The following ENOX1 variants were observed in gnomAD, a reference collection of about 807,000 sequenced individuals.
ENOX1 encodes the protein candidate growth-related and time keeping constitutive hydroquinone (NADH) oxidase.
In ENOX1, 42 loss-of-function variants were observed where a neutral mutation model predicts 82.5. The observed-to-expected ratio is 0.51, with a 90% CI of 0.40 to 0.66. ENOX1 has a LOEUF of 0.66. Ranked by LOEUF, ENOX1 falls within the 30% of genes least tolerant of loss-of-function variation. The pLI, the probability that ENOX1 is intolerant of heterozygous loss-of-function variation, is 0.00. For missense variants in ENOX1, 608 were observed against 811.6 expected (o/e 0.75, Z 3.05); for synonymous variants, 271 against 282.2 (o/e 0.96, Z 0.40).
At chr13:43,723,284 T>G (rs1410725146) in intron 1 of ENOX1, among the ~76,000 whole-genome samples, 2 of 152,150 alleles carry the variant, frequency 1.3e-5, no homozygotes, top group Non-Finnish European at 2.9e-5. Context: ...AGGTGTGAAA[T>G]TATCTCTTGG....
At chr13:43,727,720 C>A (rs1053006079) in intron 1 of ENOX1, among the ~76,000 whole-genome samples, 1 of 152,120 alleles carries the variant, frequency 6.6e-6, no homozygotes, top group African/African-American at 2.4e-5. Context: ...CCTACTGCCC[C>A]CACCTCTAAA....
At chr13:43,444,955 C>T (rs1018157582) in intron 3 of ENOX1, among the ~76,000 whole-genome samples, 1 of 152,194 alleles carries the variant, frequency 6.6e-6, no homozygotes, top group Admixed American at 6.5e-5. Context: ...GCTTCCAGTT[C>T]TGGGTCTGCC....
chr13:43,516,427 A>G (rs2077563764), intron 2 of ENOX1, among the ~76,000 whole-genome samples: 1 of 152,160 alleles, frequency 6.6e-6, no homozygotes, highest in African/African-American at 2.4e-5. Flanking sequence ...CCTCAGTGCT[A>G]TCAACATGTA....
In ENOX1 at chr13:43,370,383, C is replaced by A. The variant is rs549008231; in HGVS notation, c.209-8931G>T. Among the ~76,000 whole-genome samples, 4 of 152,072 alleles carry A rather than the reference C, an allele frequency of 2.6e-5. No individual in the cohort carries two copies. In the South Asian group the frequency reaches 6.2e-4, roughly 24 times the overall value. On this transcript the variant is annotated intron_variant, in intron 5 of 16. Coordinates refer to ENST00000690772, the MANE Select transcript of ENOX1 (RefSeq NM_001347969.2). ...CTCCATCTCAAGAAAAAAAAAAAAT[C>A]TTCTTAAGCAAATCTTCTTAGACTC... is the stretch of plus-strand genomic sequence containing the variant.
intron 5 of ENOX1, among the ~76,000 whole-genome samples, chr13:43,362,358 G>A (rs895899526): frequency 3.9e-5 from 6 of 152,010 alleles, no homozygotes; most frequent in East Asian, 1.9e-4. Flanking sequence ...AGGGGATCCC[G>A]TTCATGAGGG....
chr13:43,691,660 A>T (rs1044931355), intron 1 of ENOX1, among the ~76,000 whole-genome samples: 1 of 150,554 alleles, frequency 6.6e-6, no homozygotes, highest in South Asian at 2.1e-4. Flanking sequence ...CTATATGTTT[A>T]ATGTTCATTC....
rs142232135 is a variant in ENOX1, at chr13:43,352,287, T to C, written c.823+3632A>G. Among the ~76,000 whole-genome samples the C allele has an allele frequency of 1.9e-3, 284 of 152,370 alleles. 1 individual carries two copies. The highest frequency in any genetic ancestry group is 6.4e-3 in the African/African-American group (268 of 41,586). ...CGTCACCTAATTCAGAGAGAAACTCTTCATTTCATCACAAAATGAAAGATT... is the reference window on the plus strand; with the variant it reads ...CGTCACCTAATTCAGAGAGAAACTCCTCATTTCATCACAAAATGAAAGATT... On this transcript the variant is annotated intron_variant, in intron 8 of 16. Coordinates refer to ENST00000690772, the MANE Select transcript of ENOX1 (RefSeq NM_001347969.2).
intron 3 of ENOX1, among the ~76,000 whole-genome samples, chr13:43,452,635 G>A (rs973789354): frequency 6.6e-6 from 1 of 152,098 alleles, no homozygotes; most frequent in Non-Finnish European, 1.5e-5. Context: ...CCATTTTTCT[G>A]CCTCAGCCTC....
At chr13:43,347,641 G>T (rs1027513993) in intron 8 of ENOX1, among the ~76,000 whole-genome samples, 5 of 152,154 alleles carry the variant, frequency 3.3e-5, no homozygotes, top group South Asian at 2.1e-4. Context: ...GTATTCAGTG[G>T]AAAGATCACT....
intron 3 of ENOX1, among the ~76,000 whole-genome samples, chr13:43,479,228 T>C (rs539855506): frequency 5.9e-5 from 9 of 152,102 alleles, no homozygotes; most frequent in Admixed American, 1.3e-4. Flanking sequence ...TAATCAAGGG[T>C]TCTTTGAGCT....
chr13:43,352,559 C>G (rs982079779), intron 8 of ENOX1, among the ~76,000 whole-genome samples: 1 of 152,198 alleles, frequency 6.6e-6, no homozygotes, highest in African/African-American at 2.4e-5. Flanking sequence ...GAGCTCCTTC[C>G]CACTTTCTCA....
chr13:43,680,776 T>C (rs1472882606), intron 1 of ENOX1, among the ~76,000 whole-genome samples: 1 of 152,118 alleles, frequency 6.6e-6, no homozygotes. Context: ...ATACAACCCA[T>C]GAACTATTTT....
At position 43,383,345 on chromosome 13, in the gene ENOX1, T is replaced by C. The variant is rs149130832; in HGVS notation, c.209-21893A>G. ...ATGAGCAGAATAAGAAAAACACAGA[T>C]GGCTCAACTTCACGGTAATAATGAT... On this transcript the variant is annotated intron_variant, in intron 5 of 16. Transcript: ENST00000690772. Among the ~76,000 whole-genome samples the C allele has an allele frequency of 4.7e-3, 717 of 152,272 alleles. 9 individuals are homozygous for C. Among genetic ancestry groups the C allele is most frequent in the African/African-American group, 0.016 (674 of 41,546 alleles).
chr13:43,361,477 T>C (rs780381017), intron 5 of ENOX1, 25 bp from the exon 6 acceptor site: 1 of 1,578,170 alleles, frequency 6.3e-7, no homozygotes, highest in East Asian at 2.3e-5. Flanking sequence ...AGATAACATT[T>C]TGACTGGAGA....
chr13:43,301,217 TAGC>T (rs2046558878), intron 11 of ENOX1, among the ~76,000 whole-genome samples: 1 of 152,244 alleles, frequency 6.6e-6, no homozygotes. Context: ...TCATAACTGA[TAGC>T]AGGTGTTTGT....
chr13:43,581,986 G>A (rs1216863752), intron 2 of ENOX1, among the ~76,000 whole-genome samples: 3 of 152,006 alleles, frequency 2.0e-5, no homozygotes, highest in African/African-American at 7.3e-5. Flanking sequence ...CTGCACCCTG[G>A]AAACACAGAA....
At chr13:43,492,695 T>C (rs1386225136) in intron 2 of ENOX1, among the ~76,000 whole-genome samples, 1 of 152,218 alleles carries the variant, frequency 6.6e-6, no homozygotes, top group Non-Finnish European at 1.5e-5. Flanking sequence ...CATTCTGTCA[T>C]TGAGACACTA....
At chr13:43,565,341 G>A (rs1215175279) in intron 2 of ENOX1, among the ~76,000 whole-genome samples, 1 of 152,152 alleles carries the variant, frequency 6.6e-6, no homozygotes. Context: ...AAGTAATTGT[G>A]AAGTCCAACT....
At chr13:43,641,665 T>C (rs1248882524) in intron 2 of ENOX1, among the ~76,000 whole-genome samples, 1 of 149,016 alleles carries the variant, frequency 6.7e-6, no homozygotes, top group Non-Finnish European at 1.5e-5. Flanking sequence ...CCCGAGTAGC[T>C]GGGACTACAG....
Sources: gnomAD v4.1 joint callset for allele counts (sites outside exome capture counted in the v4.1 genomes callset) on GRCh38, gnomAD v4.1.1 for gene constraint, MANE v1.5 for transcripts, NCBI Gene and HGNC (gene_info 2026-07-23, HGNC 2026-07-21) for gene names.